Variants in LYPLAL1 observed in about 807,000 individuals in gnomAD.
LYPLAL1 encodes the protein lysophospholipase like 1.
A neutral mutation model predicts 19.7 loss-of-function variants in LYPLAL1; 23 were observed. The ratio of observed to expected loss-of-function variants is 1.17; its 90% CI spans 0.84 to 1.65. The LOEUF (loss-of-function observed/expected upper bound fraction) is 1.65, where lower values mean the gene tolerates loss of function less well. Among genes scored for constraint, LYPLAL1 ranks in the 40% most tolerant of loss-of-function variants. The pLI is 0.00. For missense variants in LYPLAL1, 355 were observed against 279.4 expected (o/e 1.27, Z -1.93); for synonymous variants, 119 against 96.3 (o/e 1.24, Z -1.38).
the LYPLAL1 span, among the ~76,000 whole-genome samples, chr1:219,304,482 G>T: frequency 6.6e-6 from 1 of 152,200 alleles, no homozygotes; most frequent in Non-Finnish European, 1.5e-5. Flanking sequence ...CCATTCGTAT[G>T]ATTTCATCGT....
intron 3 of LYPLAL1, chr1:219,193,456 A>G: frequency 3.2e-6 from 1 of 315,252 alleles, no homozygotes; most frequent in Non-Finnish European, 5.7e-6. Context: ...TTCTTTTTGA[A>G]TAATAACGGA....
At chr1:219,179,338 T>C in intron 2 of LYPLAL1, 92 bp downstream of exon 2, 1 of 911,718 alleles carries the variant, frequency 1.1e-6, no homozygotes, top group Non-Finnish European at 1.7e-6. Context: ...TTAAGCTTAA[T>C]TTTGTATTTA....
At chr1:219,210,085 A>G (rs976017563) in intron 3 of LYPLAL1, among the ~76,000 whole-genome samples, 3 of 152,142 alleles carry the variant, frequency 2.0e-5, no homozygotes, top group African/African-American at 7.2e-5. Flanking sequence ...CTAAGCATCT[A>G]TTATATAGCA....
chr1:219,341,978 A>T, the LYPLAL1 span, among the ~76,000 whole-genome samples: 1,149 of 152,238 alleles, frequency 7.5e-3, 21 homozygotes, highest in African/African-American at 0.026. Flanking sequence ...TATTCTCAAT[A>T]CTTTTTATTA....
the LYPLAL1 span, chr1:219,271,397 T>C: frequency 6.6e-6 from 1 of 151,582 alleles, no homozygotes; most frequent in Non-Finnish European, 1.5e-5. Flanking sequence ...TTTTTTTTTT[T>C]CTGAAGGCTT....
intron 2 of LYPLAL1, among the ~76,000 whole-genome samples, chr1:219,184,376 C>T (rs1394146743): frequency 6.6e-6 from 1 of 151,726 alleles, no homozygotes; most frequent in African/African-American, 2.4e-5. Flanking sequence ...TCCTTGTATC[C>T]TTCTATCTTT....
chr1:219,390,691 A>C, the LYPLAL1 span, among the ~76,000 whole-genome samples: 7 of 152,182 alleles, frequency 4.6e-5, no homozygotes, highest in Non-Finnish European at 8.8e-5. Flanking sequence ...CCCAATGAAG[A>C]GGGCATTTAA....
At chr1:219,310,973 G>A in the LYPLAL1 span, among the ~76,000 whole-genome samples, 4 of 152,180 alleles carry the variant, frequency 2.6e-5, no homozygotes, top group Non-Finnish European at 5.9e-5. Context: ...ATTTAGCACA[G>A]TTCCTGGCTC....
chr1:219,316,247 T>C, the LYPLAL1 span, among the ~76,000 whole-genome samples: 1 of 152,190 alleles, frequency 6.6e-6, no homozygotes, highest in Non-Finnish European at 1.5e-5. Context: ...GTATATTACA[T>C]TGATTGACTT....
chr1:219,179,283 T>A, intron 2 of LYPLAL1, 37 bp downstream of exon 2: 2 of 1,432,024 alleles, frequency 1.4e-6, no homozygotes, highest in Non-Finnish European at 2.0e-6. Flanking sequence ...AATATAACTC[T>A]GTGGCATAAA....
At chr1:219,333,106 C>T in the LYPLAL1 span, among the ~76,000 whole-genome samples, 9 of 152,070 alleles carry the variant, frequency 5.9e-5, no homozygotes. Context: ...ACTTCTGTCT[C>T]ATTTTCTCAC....
chr1:219,283,397 A>G, the LYPLAL1 span, among the ~76,000 whole-genome samples: 1 of 152,196 alleles, frequency 6.6e-6, no homozygotes, highest in Non-Finnish European at 1.5e-5. Context: ...GTGCATGCAT[A>G]TGATTCACAA....
chr1:219,301,395 G>A, the LYPLAL1 span, among the ~76,000 whole-genome samples: 79 of 152,252 alleles, frequency 5.2e-4, no homozygotes, highest in African/African-American at 1.9e-3. Flanking sequence ...CAAATTTCAA[G>A]CTATCTAGAA....
downstream of LYPLAL1, among the ~76,000 whole-genome samples, chr1:219,215,313 G>A (rs1589801): frequency 0.23 from 34,502 of 151,864 alleles, 4,238 homozygotes; most frequent in African/African-American, 0.3. Flanking sequence ...AATTATTTCG[G>A]ACAATAAATT....
chr1:219,397,339 C>CA, the LYPLAL1 span, among the ~76,000 whole-genome samples: 1 of 152,148 alleles, frequency 6.6e-6, no homozygotes, highest in Non-Finnish European at 1.5e-5. Flanking sequence ...AGGATTTTTG[C>CA]ATCAATGTTC....
intron 3 of LYPLAL1, among the ~76,000 whole-genome samples, chr1:219,199,067 C>T (rs1435438909): frequency 6.6e-6 from 1 of 151,910 alleles, no homozygotes; most frequent in African/African-American, 2.4e-5. Flanking sequence ...TTCTCAATAC[C>T]AAGTAGTATG....
At chr1:219,228,982 A>G in the LYPLAL1 span, among the ~76,000 whole-genome samples, 3 of 152,006 alleles carry the variant, frequency 2.0e-5, no homozygotes, top group South Asian at 6.3e-4. Context: ...TCTGGCCATA[A>G]GCAATTTATA....
chr1:219,337,091 T>G, the LYPLAL1 span, among the ~76,000 whole-genome samples: 1 of 152,082 alleles, frequency 6.6e-6, no homozygotes, highest in East Asian at 1.9e-4. Context: ...TCTCATTGTC[T>G]TCTCCTCCTT....
At chr1:219,359,221 G>A in the LYPLAL1 span, among the ~76,000 whole-genome samples, 1 of 152,056 alleles carries the variant, frequency 6.6e-6, no homozygotes, top group Non-Finnish European at 1.5e-5. Flanking sequence ...ATGTTGCTGC[G>A]GGTGTCACAG....
Sources: gnomAD v4.1 joint callset for allele counts (sites outside exome capture counted in the v4.1 genomes callset) on GRCh38, gnomAD v4.1.1 for gene constraint, MANE v1.5 for transcripts, NCBI Gene and HGNC (gene_info 2026-07-23, HGNC 2026-07-21) for gene names.